Variants in NEDD9 observed in about 807,000 individuals in gnomAD.
The protein encoded by NEDD9 is enhancer of filamentation 1.
In NEDD9, 26 loss-of-function variants were observed where a neutral mutation model predicts 76.6. That is an observed-to-expected ratio of 0.34 (90% CI 0.25 to 0.47). The LOEUF (loss-of-function observed/expected upper bound fraction) is 0.47. NEDD9 is among the 20% of genes least tolerant of loss of function. NEDD9 has a pLI of 1.00. For missense variants in NEDD9, 937 were observed against 1,058.5 expected (o/e 0.89, Z 1.59); for synonymous variants, 392 against 414.2 (o/e 0.95, Z 0.65).
At chr6:11,278,949 G>C (rs1208901009) in intron 3 of NEDD9, among the ~76,000 whole-genome samples, 4 of 151,998 alleles carry the variant, frequency 2.6e-5, no homozygotes, top group Non-Finnish European at 5.9e-5. Flanking sequence ...GGGGAAAAAG[G>C]TTCTGATCTG....
chr6:11,291,985 T>C (rs1170769882), intron 3 of NEDD9, among the ~76,000 whole-genome samples: 1 of 152,212 alleles, frequency 6.6e-6, no homozygotes, highest in African/African-American at 2.4e-5. Flanking sequence ...TTTGCTGTGC[T>C]GCTTCCAGAA....
chr6:11,231,911 A>C (rs563776551), intron 1 of NEDD9, among the ~76,000 whole-genome samples: 2 of 152,360 alleles, frequency 1.3e-5, no homozygotes, highest in South Asian at 4.1e-4. Context: ...TGTTTTCAAG[A>C]AATGGCTCAT....
intron 3 of NEDD9, among the ~76,000 whole-genome samples, chr6:11,280,461 T>C (rs1760512009): frequency 1.3e-5 from 2 of 152,210 alleles, no homozygotes. Context: ...ATGAGCAGCC[T>C]GAGGAGTGGC....
At chr6:11,336,122 T>G (rs554050490) in intron 1 of NEDD9, among the ~76,000 whole-genome samples, 4 of 152,354 alleles carry the variant, frequency 2.6e-5, no homozygotes, top group African/African-American at 9.6e-5. Flanking sequence ...CACAGTCATC[T>G]CTTATGACAC....
At chr6:11,372,903 C>T (rs1476533253) in intron 1 of NEDD9, among the ~76,000 whole-genome samples, 4 of 152,136 alleles carry the variant, frequency 2.6e-5, no homozygotes, top group Admixed American at 1.3e-4. Context: ...ATAGATACTC[C>T]AATTCATTTT....
rs763228665 is a variant in NEDD9, at chr6:11,185,684, C to T, written c.1996-13G>A. 13 of 1,613,608 alleles carry T rather than the reference C, an allele frequency of 8.1e-6. No individual in the cohort carries two copies. The highest frequency in any genetic ancestry group is 2.2e-5 in the South Asian group (2 of 91,070). On this transcript the variant is annotated splice_polypyrimidine_tract_variant and intron_variant, in intron 6 of 6. Transcript: ENST00000379446. Reference sequence around the variant, plus strand: ...GGAACTGGCTCAGCTGCAAGGAAGACGAAAGCAGATCTCATTAGAGCAAGG... The same window carrying T: ...GGAACTGGCTCAGCTGCAAGGAAGATGAAAGCAGATCTCATTAGAGCAAGG...
chr6:11,373,709 C>T (rs758311497), intron 1 of NEDD9, among the ~76,000 whole-genome samples: 3 of 152,140 alleles, frequency 2.0e-5, no homozygotes, highest in East Asian at 1.9e-4. Flanking sequence ...GTTAATTTTA[C>T]GTGTTAACTT....
At chr6:11,361,661 C>T (rs964847423) in intron 1 of NEDD9, among the ~76,000 whole-genome samples, 1 of 152,148 alleles carries the variant, frequency 6.6e-6, no homozygotes, top group Non-Finnish European at 1.5e-5. Flanking sequence ...TATATCATCC[C>T]TATTCACAGC....
At chr6:11,195,613 A>AT (rs1317601839) in intron 2 of NEDD9, among the ~76,000 whole-genome samples, 1 of 152,222 alleles carries the variant, frequency 6.6e-6, no homozygotes, top group African/African-American at 2.4e-5. Flanking sequence ...CCAAGAGTGG[A>AT]TTTTATCCAA....
intron 2 of NEDD9, among the ~76,000 whole-genome samples, chr6:11,196,330 C>CAAACA (rs1554124245): frequency 2.6e-5 from 4 of 151,950 alleles, no homozygotes; most frequent in African/African-American, 9.7e-5. Flanking sequence ...AACAAACAAA[C>CAAACA]AAAAAACCCA....
intron 1 of NEDD9, among the ~76,000 whole-genome samples, chr6:11,336,109 T>G (rs1762155193): frequency 6.6e-6 from 1 of 152,220 alleles, no homozygotes; most frequent in South Asian, 2.1e-4. Flanking sequence ...AGAGTCAGCC[T>G]TTCACAGTCA....
At chr6:11,240,554 T>G (rs1759690908) in intron 3 of NEDD9, among the ~76,000 whole-genome samples, 1 of 152,236 alleles carries the variant, frequency 6.6e-6, no homozygotes, top group Non-Finnish European at 1.5e-5. Context: ...GGAGTGACTA[T>G]GGCTAATATC....
At chr6:11,254,126 C>CT (rs1197786340) in intron 3 of NEDD9, among the ~76,000 whole-genome samples, 224 of 149,958 alleles carry the variant, frequency 1.5e-3, no homozygotes, top group South Asian at 3.8e-3. Context: ...ACTTTTCTTT[C>CT]TTTTTTTTTT....
intron 3 of NEDD9, among the ~76,000 whole-genome samples, chr6:11,281,700 T>G (rs189015221): frequency 6.6e-6 from 1 of 152,128 alleles, no homozygotes; most frequent in Non-Finnish European, 1.5e-5. Flanking sequence ...GTCCTTGATA[T>G]GTTTGAGCCA....
At chr6:11,332,968 G>T (rs375844637) in intron 2 of NEDD9, among the ~76,000 whole-genome samples, 5 of 151,208 alleles carry the variant, frequency 3.3e-5, no homozygotes, top group Non-Finnish European at 7.4e-5. Flanking sequence ...GGAGTCCCAC[G>T]GTTTCCCATA....
chr6:11,200,856 C>T (rs1581951604), intron 2 of NEDD9: 4 of 1,568,966 alleles, frequency 2.5e-6, no homozygotes, highest in East Asian at 4.6e-5. Context: ...TGGGAAACCC[C>T]AGGAGAAAAT....
intron 1 of NEDD9, among the ~76,000 whole-genome samples, chr6:11,231,163 GT>G (rs1204524282): frequency 6.6e-6 from 1 of 152,178 alleles, no homozygotes; most frequent in Non-Finnish European, 1.5e-5. Context: ...AGAGGGATTT[GT>G]TTCTGGTTGC....
intron 1 of NEDD9, among the ~76,000 whole-genome samples, chr6:11,345,481 T>TGTGA (rs1762347568): frequency 6.6e-6 from 1 of 152,134 alleles, no homozygotes; most frequent in African/African-American, 2.4e-5. Flanking sequence ...TGTGTGTGTG[T>TGTGA]GTGCTACATT....
rs967996336 is a variant in NEDD9, at chr6:11,264,345, A to G, written c.12+41647T>C. Among the ~76,000 whole-genome samples, 11 of 152,150 alleles carry G rather than the reference A, an allele frequency of 7.2e-5. No individual in the cohort carries two copies. In the East Asian group the frequency reaches 1.7e-3, roughly 24 times the overall value. Reference sequence around the variant, plus strand: ...GAATCAGGGCTCTGTGAGGAACCACATGCCCCAGCATCCCGCGCTCATAGG... The same window carrying G: ...GAATCAGGGCTCTGTGAGGAACCACGTGCCCCAGCATCCCGCGCTCATAGG... On this transcript the variant is annotated intron_variant, in intron 3 of 3. Coordinates refer to the NEDD9 transcript ENST00000397378.
Sources: allele counts gnomAD v4.1 joint callset (sites outside exome capture counted in the v4.1 genomes callset), GRCh38; gene constraint gnomAD v4.1.1; transcripts MANE v1.5; gene names NCBI Gene and HGNC (gene_info 2026-07-23, HGNC 2026-07-21).